KIFAP3: variants seen among roughly 807,000 people sequenced by gnomAD.
KIFAP3 encodes kinesin-associated protein 3.
A neutral mutation model predicts 106.5 loss-of-function variants in KIFAP3; 68 were observed. That is an observed-to-expected ratio of 0.64 (90% CI 0.53 to 0.78). The LOEUF (loss-of-function observed/expected upper bound fraction) is 0.78, where lower values mean the gene tolerates loss of function less well. Ranked by LOEUF, KIFAP3 falls within the 30% of genes least tolerant of loss-of-function variation. The pLI is 0.00. For synonymous variants in KIFAP3, 320 were observed against 311.5 expected, an observed-to-expected ratio of 1.03 and a Z score of -0.29; for missense variants, 780 against 941.8, an observed-to-expected ratio of 0.83 and a Z score of 2.25.
intron 19 of KIFAP3, among the ~76,000 whole-genome samples, chr1:169,940,359 C>G (rs974014003): frequency 6.6e-6 from 1 of 152,174 alleles, no homozygotes; most frequent in Non-Finnish European, 1.5e-5. Flanking sequence ...TAATTGCCAT[C>G]ATCATTATTG....
In KIFAP3 at chr1:170,024,515, A is replaced by G; in HGVS notation, c.923T>C (p.Leu308Ser). 1 of 1,607,550 alleles carries G rather than the reference A, an allele frequency of 6.2e-7. No homozygotes were observed. Among genetic ancestry groups the G allele is most frequent in the Non-Finnish European group, 8.5e-7 (1 of 1,176,190 alleles). ...KMRNKNIVHM[L>S]VKALDRDNFE... ...ATTGTCCCGATCAAGGGCTTTCACCAACATGTGAACTATGTTCTTGTTCCT... is the reference window on the plus strand; with the variant it reads ...ATTGTCCCGATCAAGGGCTTTCACCGACATGTGAACTATGTTCTTGTTCCT... Residue 308 changes from leucine (L) to serine (S), a missense_variant, in exon 9 of 20, where the codon TTG (leucine) becomes TCG (serine). Physicochemically the swap from Leu to Ser is moderately radical, Grantham distance 145. Coordinates refer to ENST00000361580, the MANE Select transcript of KIFAP3 (RefSeq NM_014970.4).
At chr1:169,937,531 A>T (rs1474059555) in intron 19 of KIFAP3, among the ~76,000 whole-genome samples, 2 of 151,846 alleles carry the variant, frequency 1.3e-5, no homozygotes, top group Non-Finnish European at 3.0e-5. Flanking sequence ...TATTCATTTT[A>T]AGTATGGAGT....
intron 11 of KIFAP3, among the ~76,000 whole-genome samples, chr1:169,991,161 C>G (rs1263096701): frequency 6.6e-6 from 1 of 151,768 alleles, no homozygotes; most frequent in African/African-American, 2.4e-5. Flanking sequence ...GCAAGAAAGC[C>G]AGACCCTGTC....
chr1:169,939,366 G>C (rs1171236694), intron 19 of KIFAP3, among the ~76,000 whole-genome samples: 1 of 152,200 alleles, frequency 6.6e-6, no homozygotes, highest in African/African-American at 2.4e-5. Context: ...TTTAAAGCTT[G>C]AACTACTAGG....
chr1:169,979,163 T>G (rs1240658975), intron 15 of KIFAP3, among the ~76,000 whole-genome samples: 1 of 152,106 alleles, frequency 6.6e-6, no homozygotes, highest in Non-Finnish European at 1.5e-5. Context: ...TTGATTATAA[T>G]CACTATGGGA....
At chr1:170,074,843 C>T, upstream of KIFAP3, 1 of 825,620 alleles carries the variant, frequency 1.2e-6, no homozygotes, top group Non-Finnish European at 1.5e-6. Flanking sequence ...TAAGGAGTGG[C>T]TCCGTAGTCA....
intron 17 of KIFAP3, among the ~76,000 whole-genome samples, chr1:169,966,361 A>C (rs1371993576): frequency 5.3e-5 from 8 of 151,580 alleles, no homozygotes; most frequent in African/African-American, 1.2e-4. Flanking sequence ...GAATCCTACT[A>C]GGATGAATCT....
chr1:170,061,901 A>T (rs1671176766), intron 1 of KIFAP3, among the ~76,000 whole-genome samples: 1 of 152,142 alleles, frequency 6.6e-6, no homozygotes, highest in South Asian at 2.1e-4. Context: ...TTCTGAGCAA[A>T]CTGTCGCAAG....
At chr1:170,032,505 A>G (rs1669467861) in intron 7 of KIFAP3, among the ~76,000 whole-genome samples, 1 of 151,714 alleles carries the variant, frequency 6.6e-6, no homozygotes, top group Non-Finnish European at 1.5e-5. Context: ...CCCAAACTTA[A>G]AGGTAAACAA....
intron 3 of KIFAP3, among the ~76,000 whole-genome samples, chr1:170,041,221 A>G (rs1669960580): frequency 6.6e-6 from 1 of 152,258 alleles, no homozygotes; most frequent in Non-Finnish European, 1.5e-5. Flanking sequence ...AAAAAAGTAT[A>G]TATTAAGTAC....
In KIFAP3 at chr1:169,954,113, A is replaced by G. The variant is rs1487720067; in HGVS notation, c.2174-3T>C. 1.3e-6 allele frequency: 2 copies of G among 1,581,798 alleles called. No homozygotes were observed. Among genetic ancestry groups the G allele is most frequent in the South Asian group, 1.1e-5 (1 of 90,486 alleles). ...TCCTTCAGAGGCAATTAATCCATCTAGAAAGAAAAAAAAATGGTAACCAGT... is the reference window on the plus strand; with the variant it reads ...TCCTTCAGAGGCAATTAATCCATCTGGAAAGAAAAAAAAATGGTAACCAGT... On this transcript the variant is annotated splice_polypyrimidine_tract_variant and splice_region_variant and intron_variant, in intron 18 of 19. Transcript: ENST00000361580.
chr1:169,963,549 G>A (rs1004622369), intron 17 of KIFAP3, among the ~76,000 whole-genome samples: 6 of 152,084 alleles, frequency 3.9e-5, no homozygotes, highest in Admixed American at 1.3e-4. Context: ...CTGGAGGGTG[G>A]TGGCACGATC....
upstream of KIFAP3, among the ~76,000 whole-genome samples, chr1:170,079,128 C>A (rs992958431): frequency 6.6e-6 from 1 of 152,182 alleles, no homozygotes; most frequent in Non-Finnish European, 1.5e-5. Flanking sequence ...ACAGATCCCT[C>A]ATGGATGACT....
At chr1:170,004,589 A>T (rs1208135204) in intron 10 of KIFAP3, among the ~76,000 whole-genome samples, 17 of 152,182 alleles carry the variant, frequency 1.1e-4, no homozygotes, top group Non-Finnish European at 2.2e-4. Context: ...CAAACCTGAG[A>T]AAAACAAGCA....
Position 170,028,369 on chromosome 1 carries a change from C to T in KIFAP3, c.841+3517G>A, listed in dbSNP as rs536244847. On this transcript the variant is annotated intron_variant, in intron 8 of 19. Transcript: ENST00000361580. The stretch of plus-strand genomic sequence containing the variant: ...GGCTTTTTTTTCTGAGACGGAGTCT[C>T]GCTCTGTCACCTGACTGGAGTGCAA... Among the ~76,000 whole-genome samples the T allele has an allele frequency of 4.9e-4, 75 of 152,160 alleles. 3 individuals carry two copies. In the South Asian group the frequency reaches 0.015, roughly 29 times the overall value.
At chr1:169,922,164 A>G (rs1011841296) in intron 19 of KIFAP3, among the ~76,000 whole-genome samples, 6 of 152,206 alleles carry the variant, frequency 3.9e-5, no homozygotes, top group African/African-American at 1.4e-4. Context: ...AAACTGTAGT[A>G]AAGTGAGTTT....
chr1:169,928,919 T>G (rs1356231087), intron 19 of KIFAP3, among the ~76,000 whole-genome samples: 1 of 152,108 alleles, frequency 6.6e-6, no homozygotes, highest in African/African-American at 2.4e-5. Context: ...AGCTTGCCCC[T>G]ATCTTCTACA....
chr1:169,982,094 G>A lies in KIFAP3; in HGVS notation c.1676C>T (p.Ala559Val). 1 of 1,612,846 alleles carries A rather than the reference G, an allele frequency of 6.2e-7. No homozygotes were observed. Among genetic ancestry groups the A allele is most frequent in the African/African-American group, 1.3e-5 (1 of 75,004 alleles). The change falls in exon 15 of 20, where the codon GCT becomes GTT. Residue 559 changes from alanine (A) to valine (V), a missense_variant. Transcript: ENST00000361580. ...PYLKDKLKPGAAEDDLVLEVV... is the reference protein window; with the variant it reads ...PYLKDKLKPGVAEDDLVLEVV... ...TTCTAAAACAAGATCATCTTCTGCA[G>A]CACCTAGTGAAGTCAAACCATAGAA... is the stretch of plus-strand genomic sequence containing the variant.
intron 1 of KIFAP3, among the ~76,000 whole-genome samples, chr1:170,057,388 T>C (rs908960336): frequency 1.3e-5 from 2 of 152,110 alleles, no homozygotes; most frequent in African/African-American, 4.8e-5. Flanking sequence ...TTTTGCTGTG[T>C]ATGTGTGTTT....
Sources: gnomAD v4.1 joint callset for allele counts (sites outside exome capture counted in the v4.1 genomes callset) on GRCh38, gnomAD v4.1.1 for gene constraint, MANE v1.5 for transcripts, NCBI Gene and HGNC (gene_info 2026-07-23, HGNC 2026-07-21) for gene names.